The following AGRN variants were observed in gnomAD, a reference collection of about 807,000 sequenced individuals.
AGRN encodes the protein agrin, also known as agrin proteoglycan.
AGRN carries 106 observed loss-of-function variants against 211.0 expected under a neutral mutation model. The observed-to-expected ratio is 0.50, with a 90% confidence interval of 0.43 to 0.59. The LOEUF is 0.59. AGRN is among the 20% of genes least tolerant of loss of function. The pLI is 0.00. For missense variants in AGRN, 3,040 were observed against 2,982.6 expected (o/e 1.02, Z -0.45); for synonymous variants, 1,525 against 1,332.5 (o/e 1.14, Z -3.15).
At chr1:1,044,515 C>CCACAT in intron 12 of AGRN, 76 bp downstream of exon 12, 1 of 1,441,458 alleles carries the variant, frequency 6.9e-7, no homozygotes, top group Non-Finnish European at 9.5e-7. Context: ...GTGGGCGTGC[C>CCACAT]CGTGTGCTGC....
chr1:1,043,884 T>C lies in AGRN; in HGVS notation c.1860T>C (p.Cys620=). The part of the protein sequence containing the change: ...GAVCSAGQCV[C]PRCEHPPPGP... ...TGTGCTCCGCAGGGCAGTGTGTGTG[T>C]CCCCGGTGTGAGCACCCCCCGCCCG... The change falls in exon 10 of 36, where the codon TGT becomes TGC. Residue 620 remains cysteine (C), a synonymous_variant. Coordinates refer to ENST00000379370, the MANE Select transcript of AGRN (RefSeq NM_198576.4). 2 of 1,609,756 alleles carry C rather than the reference T, an allele frequency of 1.2e-6. No individual in the cohort carries two copies. The highest frequency in any genetic ancestry group is 1.7e-6 in the Non-Finnish European group (2 of 1,179,326).
rs1416710324 is a variant in AGRN at position 1,031,616 on chromosome 1, C to T, written c.464-3661C>T. Among the ~76,000 whole-genome samples the T allele has an allele frequency of 6.6e-6, 1 of 152,196 alleles. No homozygotes were observed. The highest frequency in any genetic ancestry group is 2.4e-5 in the African/African-American group (1 of 41,446). On this transcript the variant is annotated intron_variant, in intron 2 of 35. Transcript: ENST00000379370. The surrounding 1 kb of genome is among the most constrained non-coding windows in gnomAD (Gnocchi z 4.8). ...CATTCCAGTGTCGGCCTGGGGCAGCCAGGCCCCCCACGTGACTTTCAGCTT... is the reference window on the plus strand; with the variant it reads ...CATTCCAGTGTCGGCCTGGGGCAGCTAGGCCCCCCACGTGACTTTCAGCTT...
At chr1:1,051,668 G>C in intron 32 of AGRN, 23 bp downstream of exon 32, 15 of 1,612,864 alleles carry the variant, frequency 9.3e-6, no homozygotes, top group Non-Finnish European at 1.2e-5. Flanking sequence ...CAGGGCAGGG[G>C]GCGGAGGCCG....
rs2100595363 is a variant in AGRN at position 1,031,445 on chromosome 1, G to T, written c.464-3832G>T. On this transcript the variant is annotated intron_variant, in intron 2 of 35. Coordinates refer to ENST00000379370, the MANE Select transcript of AGRN (RefSeq NM_198576.4). This position sits in a 1 kb window ranked among gnomAD's most constrained non-coding sequence, Gnocchi z 4.8. ...TCATGTCGCCTGAGCTCCCTCCCTG[G>T]CTGGGCCTGGGGCCTCAATGGCCCT... 6.6e-6 allele frequency among the ~76,000 whole-genome samples: 1 copy of T among 152,262 alleles called. No individual in the cohort carries two copies. The highest frequency in any genetic ancestry group is 1.5e-5 in the Non-Finnish European group (1 of 67,994).
rs775823409 is a variant in AGRN, at chr1:1,046,824, C to G, written c.3255C>G (p.Leu1085=). The G allele has an allele frequency of 1.4e-5, 22 of 1,582,114 alleles. No individual in the cohort carries two copies. In the South Asian group the frequency reaches 2.3e-4, roughly 16 times the overall value. Residue 1085 remains leucine, a synonymous_variant, in exon 19 of 36, where the codon CTC becomes CTG. Coordinates refer to ENST00000379370, the MANE Select transcript of AGRN (RefSeq NM_198576.4). The stretch of plus-strand genomic sequence containing the variant: ...GCTCAGAGCGCGTCTCCCCAGGGCT[C>G]GAGCCCTTGGAGGGCAGCAGCGTGG... ...QEASGGGSGG[L]EPLEGSSVAT...
rs199644512 is a variant in AGRN, at chr1:1,049,338, C to T, written c.4401C>T (p.Thr1467=). The change falls in exon 25 of 36, where the codon ACC becomes ACT. Residue 1467 remains threonine, a synonymous_variant. Transcript: ENST00000379370. Reference sequence around the variant, plus strand: ...TGTCCCGGCACTGGCGCCGGGGCACCCTCTCGGTGGATGGTGAGACCCCTG... The same window carrying T: ...TGTCCCGGCACTGGCGCCGGGGCACTCTCTCGGTGGATGGTGAGACCCCTG... ...LELSRHWRRG[T]LSVDGETPVL... The T allele has an allele frequency of 1.9e-6, 3 of 1,598,182 alleles. No homozygotes were observed. Among genetic ancestry groups the T allele is most frequent in the East Asian group, 4.5e-5 (2 of 44,838 alleles).
rs761791061 is a variant in AGRN at position 1,035,339 on chromosome 1, G to C, written c.511+15G>C. The C allele has an allele frequency of 1.1e-5, 18 of 1,612,946 alleles. No homozygotes were observed. Among genetic ancestry groups the C allele is most frequent in the South Asian group, 2.2e-5 (2 of 91,096 alleles). On this transcript the variant is annotated intron_variant, in intron 3 of 35. Transcript: ENST00000379370. ...GCCTCCTGATGGTGAGTAGGGCTGA[G>C]TTCGGGGGACCTGGATGGGCTGTGG...
In AGRN at chr1:1,042,045, G is replaced by A. The variant is rs775192392; in HGVS notation, c.1267G>A (p.Gly423Arg). ...RCSCDRVTCD[G>R]AYRPVCAQDG... ...CTCCTGCGACCGCGTCACCTGTGAC[G>A]GGGCCTACAGGCCCGTGTGTGCCCA... Residue 423 changes from glycine (G) to arginine (R), a missense_variant, in exon 7 of 36, where the codon GGG becomes AGG. Around this residue, in one of 3 missense-constraint regions of AGRN, gnomAD observed 1,498 missense variants for 1,457.8 expected, o/e 1.03. Coordinates refer to ENST00000379370, the MANE Select transcript of AGRN (RefSeq NM_198576.4). The A allele has an allele frequency of 4.4e-5, 71 of 1,608,830 alleles. No homozygotes were observed. Among genetic ancestry groups the A allele is most frequent in the Middle Eastern group, 1.6e-4 (1 of 6,084 alleles).
intron 2 of AGRN, among the ~76,000 whole-genome samples, chr1:1,027,560 G>C (rs145992853): frequency 0.016 from 2,383 of 152,360 alleles, 54 homozygotes; most frequent in African/African-American, 0.055. Flanking sequence ...AAGGGCCCAG[G>C]ACCTTCTGCA....
chr1:1,034,719 C>T (rs879854905), intron 2 of AGRN: 4 of 996,564 alleles, frequency 4.0e-6, no homozygotes, highest in Non-Finnish European at 4.8e-6. Flanking sequence ...TGGCCGCGGG[C>T]GGGGCGTCGC....
chr1:1,035,009 C>T (rs964680167), intron 2 of AGRN: 7 of 578,048 alleles, frequency 1.2e-5, no homozygotes, highest in African/African-American at 9.3e-5. Flanking sequence ...GAAGGGGGTC[C>T]TGCCTGCACC....
At position 1,048,767 on chromosome 1, in the gene AGRN, CAAAAAAAAAAAAAA is replaced by C; in HGVS notation, c.4106-91_4106-78del. On this transcript the variant is annotated intron_variant, in intron 23 of 35. Transcript: ENST00000379370. The surrounding 1 kb of genome is among the most constrained non-coding windows in gnomAD (Gnocchi z 5.9). ...GGGCAAAAAGAGCAAAACTCCGTCT[CAAAAAAAAAAAAAA>C]AAAAAAAAGCAGGGGGCGGTTTCAG... 3 of 1,075,934 alleles carry C rather than the reference CAAAAAAAAAAAAAA, an allele frequency of 2.8e-6. No individual in the cohort carries two copies. Among genetic ancestry groups the C allele is most frequent in the Non-Finnish European group, 3.7e-6 (3 of 814,030 alleles). The allele number at this position is 1,075,934 out of a possible 1,614,324, so 66.6% of individuals were successfully genotyped here.
intron 34 of AGRN, 125 bp from the exon 35 acceptor site, chr1:1,054,323 G>T (rs1645393949): frequency 2.2e-6 from 2 of 900,206 alleles, no homozygotes; most frequent in Non-Finnish European, 3.5e-6. Context: ...GCCCCCAGGG[G>T]TGATACCTCG....
rs1362676470 is a variant in AGRN at position 1,043,819 on chromosome 1, G to A, written c.1799-4G>A. ...CGACCCCTGCCTGGCTCTGTCTCCTGCAGAGACCTGTGGAGATGCCGTGTG... is the reference window on the plus strand; with the variant it reads ...CGACCCCTGCCTGGCTCTGTCTCCTACAGAGACCTGTGGAGATGCCGTGTG... On this transcript the variant is annotated splice_region_variant and splice_polypyrimidine_tract_variant and intron_variant, in intron 9 of 35. Transcript: ENST00000379370. The A allele has an allele frequency of 1.2e-6, 2 of 1,610,504 alleles. No individual in the cohort carries two copies. The highest frequency in any genetic ancestry group is 1.7e-4 in the Middle Eastern group (1 of 6,060).
intron 30 of AGRN, 138 bp downstream of exon 30, chr1:1,050,975 T>TCTGCCTCCC (rs1366727798): frequency 1.4e-5 from 22 of 1,550,688 alleles, no homozygotes; most frequent in Non-Finnish European, 1.7e-5. Context: ...CTCTGCCTCC[T>TCTGCCTCCC]CTGCCTCCCT....
rs757601244 is a variant in AGRN, at chr1:1,045,758, C to T, written c.2562C>T (p.Ala854=). 12 of 1,613,306 alleles carry T rather than the reference C, an allele frequency of 7.4e-6. No homozygotes were observed. Among genetic ancestry groups the T allele is most frequent in the Admixed American group, 3.3e-5 (2 of 60,006 alleles). ...CCTGCAGCTGTGATCCCCAAGGCGC[C>T]GTGCGGGATGACTGTGAGCAGATGA... The part of the protein sequence containing the change: ...CTPCSCDPQG[A]VRDDCEQMTG... The change falls in exon 15 of 36, where the codon GCC becomes GCT. Residue 854 remains alanine, a synonymous_variant. Coordinates refer to ENST00000379370, the MANE Select transcript of AGRN (RefSeq NM_198576.4).
In AGRN at chr1:1,054,811, G is replaced by C. The variant is rs1467440902; in HGVS notation, c.5981-13G>C. The C allele has an allele frequency of 6.4e-7, 1 of 1,552,316 alleles. No homozygotes were observed. Among genetic ancestry groups the C allele is most frequent in the Non-Finnish European group, 8.7e-7 (1 of 1,151,114 alleles). On this transcript the variant is annotated splice_polypyrimidine_tract_variant and intron_variant, in intron 35 of 35. Transcript: ENST00000379370. ...GAGTCACAGCCGGGTGACTCCCACTGTCTGTGCTGCAGGGGGCCTGCCGGA... is the reference window on the plus strand; with the variant it reads ...GAGTCACAGCCGGGTGACTCCCACTCTCTGTGCTGCAGGGGGCCTGCCGGA...
rs1253702540 is a variant in AGRN at position 1,048,616 on chromosome 1, C to G, written c.4105+251C>G. 1 of 596,996 alleles carries G rather than the reference C, an allele frequency of 1.7e-6. No homozygotes were observed. The highest frequency in any genetic ancestry group is 3.1e-5 in the Admixed American group (1 of 31,758). The allele number at this position is 596,996 out of a possible 1,614,324, so 37.0% of individuals were successfully genotyped here. On this transcript the variant is annotated intron_variant, in intron 23 of 35. Coordinates refer to ENST00000379370, the MANE Select transcript of AGRN (RefSeq NM_198576.4). This position sits in a 1 kb window ranked among gnomAD's most constrained non-coding sequence, Gnocchi z 5.9. The stretch of plus-strand genomic sequence containing the variant: ...AGACACTCTGTCTCTACTAAAAATA[C>G]AAAATTAGCCGGGCGTGGTGGTGGG...
Position 1,041,999 on chromosome 1 carries a change from C to A in AGRN, c.1221C>A (p.Ser407=), listed in dbSNP as rs1290178251. 5 of 1,611,484 alleles carry A rather than the reference C, an allele frequency of 3.1e-6. No individual in the cohort carries two copies. The Admixed American group carries it at 8.3e-5, about 27-fold the overall frequency. The change falls in exon 7 of 36, where the codon TCC becomes TCA. Residue 407 remains serine, a synonymous_variant. Transcript: ENST00000379370. ...GCCGGTTCAATGCCGTGTGCCTGTCCCGCCGTGGCCGTCCCCGCTGCTCCT... is the reference window on the plus strand; with the variant it reads ...GCCGGTTCAATGCCGTGTGCCTGTCACGCCGTGGCCGTCCCCGCTGCTCCT... ...EPCRFNAVCL[S]RRGRPRCSCD...
Sources: allele counts gnomAD v4.1 joint callset (sites outside exome capture counted in the v4.1 genomes callset), GRCh38; gene constraint gnomAD v4.1.1; regional missense constraint gnomAD v4.1.1; non-coding constraint Gnocchi (gnomAD v3.1); transcripts MANE v1.5; gene names NCBI Gene and HGNC (gene_info 2026-07-23, HGNC 2026-07-21).